The following TAFA2 variants were observed in gnomAD, a reference collection of about 807,000 sequenced individuals.
TAFA2 encodes the protein TAFA chemokine like family member 2.
TAFA2 carries 7 observed loss-of-function variants against 18.8 expected under a neutral mutation model. The observed-to-expected ratio is 0.37, with a 90% confidence interval of 0.21 to 0.70. The LOEUF is 0.70. Ranked by LOEUF, TAFA2 falls within the 30% of genes least tolerant of loss-of-function variation. The probability of loss-of-function intolerance (pLI) is 0.53; values close to 1 mark genes in which losing one functional copy is unlikely to be tolerated. For synonymous variants in TAFA2, 60 were observed against 54.2 expected (o/e 1.11, Z -0.47); for missense variants, 122 against 158.1 (o/e 0.77, Z 1.23).
intron 2 of TAFA2, among the ~76,000 whole-genome samples, chr12:61,788,779 A>G (rs145674324): frequency 6.6e-6 from 1 of 151,910 alleles, no homozygotes; most frequent in Non-Finnish European, 1.5e-5. Flanking sequence ...CAACAAACTA[A>G]TAATCTAGAA....
chr12:61,839,610 A>C (rs1488461350), intron 2 of TAFA2, among the ~76,000 whole-genome samples: 1 of 152,118 alleles, frequency 6.6e-6, no homozygotes, highest in East Asian at 1.9e-4. Context: ...ACAGGAGTGC[A>C]TCTAGAAGCC....
At chr12:62,119,339 T>C (rs1445970093) in intron 1 of TAFA2, among the ~76,000 whole-genome samples, 1 of 144,686 alleles carries the variant, frequency 6.9e-6, no homozygotes, top group Non-Finnish European at 1.5e-5. Flanking sequence ...TCAAATACAA[T>C]CAGAATGATT....
At chr12:61,899,055 C>T (rs1264895970) in intron 1 of TAFA2, among the ~76,000 whole-genome samples, 2 of 152,194 alleles carry the variant, frequency 1.3e-5, no homozygotes, top group Non-Finnish European at 2.9e-5. Flanking sequence ...GTCACCTTTA[C>T]TCCAGTTCCC....
chr12:61,931,800 C>T (rs1877566072), intron 1 of TAFA2, among the ~76,000 whole-genome samples: 1 of 152,090 alleles, frequency 6.6e-6, no homozygotes, highest in Non-Finnish European at 1.5e-5. Flanking sequence ...GGGAAATCTT[C>T]TGGAACACAA....
chr12:62,052,490 C>T lies in TAFA2; in HGVS notation c.-2+138769G>A, dbSNP rs182529403. On this transcript the variant is annotated intron_variant, in intron 1 of 4. Coordinates refer to ENST00000416284, the MANE Select transcript of TAFA2 (RefSeq NM_178539.5). ...TACAAGTGTGAGCCACTGCATTGCA[C>T]TCAGCCAACCCTCTTCTCTTTGTGC... is the stretch of plus-strand genomic sequence containing the variant. 2.9e-3 allele frequency among the ~76,000 whole-genome samples: 438 copies of T among 152,302 alleles called. 1 individual carries two copies. Among genetic ancestry groups the T allele is most frequent in the Non-Finnish European group, 4.6e-3 (315 of 68,038 alleles).
At chr12:61,935,212 A>G (rs7135071) in intron 1 of TAFA2, among the ~76,000 whole-genome samples, 2,728 of 152,308 alleles carry the variant, frequency 0.018, 100 homozygotes, top group African/African-American at 0.062. Flanking sequence ...TTTTCCAAAA[A>G]TAAGTATTCA....
At chr12:61,796,903 T>C (rs1871210730) in intron 2 of TAFA2, among the ~76,000 whole-genome samples, 1 of 152,112 alleles carries the variant, frequency 6.6e-6, no homozygotes, top group Non-Finnish European at 1.5e-5. Flanking sequence ...TTAACATAAA[T>C]ATAAAGGCAG....
chr12:62,249,148 C>G (rs1164011206), intron 1 of TAFA2, among the ~76,000 whole-genome samples: 1 of 151,942 alleles, frequency 6.6e-6, no homozygotes, highest in Non-Finnish European at 1.5e-5. Context: ...CAATGTGACC[C>G]TCACCCAGTA....
At chr12:62,057,466 G>A (rs1197212120) in intron 1 of TAFA2, among the ~76,000 whole-genome samples, 1 of 151,850 alleles carries the variant, frequency 6.6e-6, no homozygotes, top group Non-Finnish European at 1.5e-5. Flanking sequence ...GATTATATGA[G>A]GGTTTATTCC....
chr12:61,737,448 A>T (rs1868322700), intron 4 of TAFA2, among the ~76,000 whole-genome samples: 1 of 151,948 alleles, frequency 6.6e-6, no homozygotes, highest in South Asian at 2.1e-4. Context: ...GAGAAAGACA[A>T]TGATGAATAT....
intron 4 of TAFA2, among the ~76,000 whole-genome samples, chr12:61,727,692 G>T (rs1241278120): frequency 6.6e-6 from 1 of 151,616 alleles, no homozygotes; most frequent in African/African-American, 2.4e-5. Context: ...CTTAACTTTT[G>T]TATGGTTTAG....
chr12:61,978,357 AC>A (rs900160526), intron 1 of TAFA2, among the ~76,000 whole-genome samples: 17 of 152,030 alleles, frequency 1.1e-4, no homozygotes, highest in Admixed American at 5.9e-4. Flanking sequence ...CATATATCTC[AC>A]CCCCTATATT....
At chr12:62,030,993 G>T (rs142146006) in intron 1 of TAFA2, among the ~76,000 whole-genome samples, 1 of 152,016 alleles carries the variant, frequency 6.6e-6, no homozygotes, top group Admixed American at 6.6e-5. Context: ...ACCCTTATAT[G>T]GTAGGTACTA....
chr12:61,786,370 C>T (rs1870737122), intron 2 of TAFA2, among the ~76,000 whole-genome samples: 1 of 151,494 alleles, frequency 6.6e-6, no homozygotes, highest in Admixed American at 6.6e-5. Context: ...AGTTTGACAA[C>T]ATTTAAAATT....
At chr12:61,855,934 AG>A (rs1353290972) in intron 2 of TAFA2, among the ~76,000 whole-genome samples, 2 of 152,142 alleles carry the variant, frequency 1.3e-5, no homozygotes, top group Non-Finnish European at 2.9e-5. Context: ...ACAAAATAAA[AG>A]TAAGATTTTA....
chr12:61,740,898 A>G (rs1868414842), intron 4 of TAFA2, among the ~76,000 whole-genome samples: 1 of 151,932 alleles, frequency 6.6e-6, no homozygotes, highest in African/African-American at 2.4e-5. Flanking sequence ...AGAGCAAAGC[A>G]TATATTTAAC....
At chr12:62,098,124 C>G (rs1263345308) in intron 1 of TAFA2, among the ~76,000 whole-genome samples, 1 of 152,102 alleles carries the variant, frequency 6.6e-6, no homozygotes, top group Non-Finnish European at 1.5e-5. Flanking sequence ...CATTTTATCA[C>G]CCGGGTCCTT....
At chr12:62,216,143 A>G (rs2062735002) in intron 1 of TAFA2, among the ~76,000 whole-genome samples, 1 of 152,208 alleles carries the variant, frequency 6.6e-6, no homozygotes. Context: ...GAACCAGCAT[A>G]TGGGGGTAAA....
intron 1 of TAFA2, among the ~76,000 whole-genome samples, chr12:61,959,097 T>C (rs888240344): frequency 2.0e-5 from 3 of 152,046 alleles, no homozygotes; most frequent in African/African-American, 7.2e-5. Flanking sequence ...CTTTATTGTA[T>C]GCCCTGATAT....
Sources: allele counts gnomAD v4.1 joint callset (sites outside exome capture counted in the v4.1 genomes callset), GRCh38; gene constraint gnomAD v4.1.1; transcripts MANE v1.5; gene names NCBI Gene and HGNC (gene_info 2026-07-23, HGNC 2026-07-21).